Variants in FSTL4 observed in about 807,000 individuals in gnomAD.
The protein encoded by FSTL4 is follistatin like 4, also known as follistatin-related protein 4.
In FSTL4, 28 loss-of-function variants were observed where a neutral mutation model predicts 78.2. The observed-to-expected ratio is 0.36, with a 90% CI of 0.27 to 0.49. The LOEUF (loss-of-function observed/expected upper bound fraction) is 0.49. Ranked by LOEUF, FSTL4 falls within the 20% of genes least tolerant of loss-of-function variation. The pLI is 0.98. For missense variants in FSTL4, 922 were observed against 1,084.9 expected, an observed-to-expected ratio of 0.85 and a Z score of 2.11; for synonymous variants, 422 against 440.5, an observed-to-expected ratio of 0.96 and a Z score of 0.53.
the FSTL4 span, among the ~76,000 whole-genome samples, chr5:133,657,917 G>T: frequency 6.6e-6 from 1 of 151,638 alleles, no homozygotes; most frequent in Non-Finnish European, 1.5e-5. Context: ...TAAAAAATTA[G>T]ATTTTAGTAA....
chr5:133,767,668 A>C, the FSTL4 span, among the ~76,000 whole-genome samples: 1 of 152,234 alleles, frequency 6.6e-6, no homozygotes, highest in African/African-American at 2.4e-5. Context: ...ATCCAGAAGG[A>C]TGAGAATGGG....
the FSTL4 span, among the ~76,000 whole-genome samples, chr5:133,699,426 C>T: frequency 2.0e-5 from 3 of 152,252 alleles, no homozygotes; most frequent in South Asian, 6.2e-4. Context: ...TTACTACACA[C>T]CGAGAACTGT....
At chr5:133,735,421 G>A in the FSTL4 span, among the ~76,000 whole-genome samples, 1 of 152,080 alleles carries the variant, frequency 6.6e-6, no homozygotes, top group Non-Finnish European at 1.5e-5. Flanking sequence ...CCGAGATCGT[G>A]CCACTGCATT....
the FSTL4 span, among the ~76,000 whole-genome samples, chr5:133,822,995 G>A: frequency 6.6e-6 from 1 of 152,170 alleles, no homozygotes; most frequent in African/African-American, 2.4e-5. Flanking sequence ...GGGGGCAGGA[G>A]GTGGGGTTGG....
chr5:133,288,940 C>T (rs1444031285), intron 6 of FSTL4, among the ~76,000 whole-genome samples: 1 of 152,208 alleles, frequency 6.6e-6, no homozygotes, highest in African/African-American at 2.4e-5. Flanking sequence ...AGAGGCTGCT[C>T]TCCATACCCT....
the FSTL4 span, among the ~76,000 whole-genome samples, chr5:133,710,939 A>G: frequency 6.6e-6 from 1 of 152,192 alleles, no homozygotes; most frequent in Admixed American, 6.5e-5. Context: ...TGCAGGATGA[A>G]TGAACAAATA....
At chr5:133,792,348 G>C in the FSTL4 span, among the ~76,000 whole-genome samples, 577 of 152,222 alleles carry the variant, frequency 3.8e-3, 6 homozygotes, top group African/African-American at 0.013. Context: ...ACACTCCACT[G>C]GTTTTTATCC....
intron 3 of FSTL4, among the ~76,000 whole-genome samples, chr5:133,467,718 C>T (rs1220130234): frequency 6.6e-6 from 1 of 152,052 alleles, no homozygotes; most frequent in Admixed American, 6.5e-5. Context: ...GAGGCTTGCA[C>T]CCCCACCCCG....
At chr5:133,220,427 T>A (rs553127299) in intron 12 of FSTL4, among the ~76,000 whole-genome samples, 1 of 152,384 alleles carries the variant, frequency 6.6e-6, no homozygotes. Context: ...TGAAGGCTAC[T>A]GAGAAAACAC....
chr5:133,478,177 C>T (rs149711491), intron 3 of FSTL4, among the ~76,000 whole-genome samples: 32 of 152,318 alleles, frequency 2.1e-4, no homozygotes, highest in African/African-American at 7.5e-4. Context: ...GAATGAGCCA[C>T]ATAACCGATT....
the FSTL4 span, among the ~76,000 whole-genome samples, chr5:133,647,778 C>A: frequency 1.2e-4 from 18 of 152,168 alleles, no homozygotes; most frequent in Admixed American, 2.6e-4. Flanking sequence ...CTCTAACATT[C>A]TTGATGATCT....
chr5:133,514,679 A>G (rs1758818380), intron 3 of FSTL4, among the ~76,000 whole-genome samples: 1 of 152,240 alleles, frequency 6.6e-6, no homozygotes, highest in Non-Finnish European at 1.5e-5. Flanking sequence ...TAAGAAATCG[A>G]TACTACACTT....
intron 4 of FSTL4, among the ~76,000 whole-genome samples, chr5:133,359,354 G>A (rs962172874): frequency 3.3e-5 from 5 of 152,168 alleles, no homozygotes; most frequent in South Asian, 2.1e-4. Context: ...GAATTCCTGT[G>A]GATATGTGAA....
At chr5:133,283,032 C>T (rs920157770) in intron 6 of FSTL4, among the ~76,000 whole-genome samples, 2 of 147,438 alleles carry the variant, frequency 1.4e-5, no homozygotes, top group Admixed American at 6.7e-5. Context: ...AGGTTGGGGC[C>T]CTGGGCTGGA....
chr5:133,362,744 G>GGCCCCT (rs1262407390), intron 4 of FSTL4, among the ~76,000 whole-genome samples: 1 of 152,242 alleles, frequency 6.6e-6, no homozygotes, highest in African/African-American at 2.4e-5. Context: ...GGTGCTTCCA[G>GGCCCCT]GCCTGGCCCC....
chr5:133,798,975 A>G, the FSTL4 span, among the ~76,000 whole-genome samples: 1 of 60,688 alleles, frequency 1.6e-5, no homozygotes, highest in Non-Finnish European at 3.6e-5. Flanking sequence ...GGAGGAAGGG[A>G]GGGAGGGAGG....
At chr5:133,264,367 G>C (rs1403111990) in intron 6 of FSTL4, among the ~76,000 whole-genome samples, 1 of 152,122 alleles carries the variant, frequency 6.6e-6, no homozygotes, top group African/African-American at 2.4e-5. Context: ...ATACATCCCT[G>C]TCCTAACTCA....
At chr5:133,743,765 G>A in the FSTL4 span, among the ~76,000 whole-genome samples, 4 of 152,156 alleles carry the variant, frequency 2.6e-5, no homozygotes, top group African/African-American at 4.8e-5. Flanking sequence ...AATATTCATT[G>A]CCTGCCTTTC....
the FSTL4 span, among the ~76,000 whole-genome samples, chr5:133,675,191 G>A: frequency 1.3e-3 from 196 of 152,252 alleles, 2 homozygotes; most frequent in African/African-American, 4.5e-3. Context: ...CCATTCATGT[G>A]ACAGGAAAAG....
Sources: gnomAD v4.1 joint callset for allele counts (sites outside exome capture counted in the v4.1 genomes callset) on GRCh38, gnomAD v4.1.1 for gene constraint, MANE v1.5 for transcripts, NCBI Gene and HGNC (gene_info 2026-07-23, HGNC 2026-07-21) for gene names.